The following ABCC11 variants were observed in gnomAD, a reference collection of about 807,000 sequenced individuals.
ABCC11 encodes the protein ATP binding cassette subfamily C member 11.
ABCC11 carries 135 observed loss-of-function variants against 149.3 expected under a neutral mutation model. The observed-to-expected ratio is 0.90, with a 90% confidence interval of 0.79 to 1.04. ABCC11 has a LOEUF of 1.04. Ranked by LOEUF, ABCC11 falls within the 50% of genes least tolerant of loss-of-function variation. The pLI is 0.00. For missense variants in ABCC11, 1,680 were observed against 1,722.1 expected (o/e 0.98, Z 0.43); for synonymous variants, 665 against 671.4 (o/e 0.99, Z 0.15).
intron 10 of ABCC11, among the ~76,000 whole-genome samples, chr16:48,213,108 A>C (rs1201162102): frequency 1.3e-5 from 2 of 152,238 alleles, no homozygotes; most frequent in Admixed American, 1.3e-4. Flanking sequence ...AAAATGTCCA[A>C]GTTTTTCAAT....
intron 28 of ABCC11, 67 bp downstream of exon 28, chr16:48,170,038 C>T (rs966543367): frequency 3.2e-5 from 41 of 1,300,620 alleles, no homozygotes; most frequent in Admixed American, 5.7e-5. Flanking sequence ...GAGAGGGAGC[C>T]GGTGTGGCTT....
chr16:48,173,755 G>T (rs1051184353), intron 26 of ABCC11, among the ~76,000 whole-genome samples: 2 of 152,152 alleles, frequency 1.3e-5, no homozygotes, highest in Admixed American at 6.5e-5. Context: ...CTCCCGAGTA[G>T]CTGGGATTAC....
rs2150859798 is a variant in ABCC11 at position 48,211,041 on chromosome 16, C to T, written c.1515G>A (p.Glu505=). The T allele has an allele frequency of 6.2e-7, 1 of 1,614,210 alleles. No individual in the cohort carries two copies. Among genetic ancestry groups the T allele is most frequent in the Non-Finnish European group, 8.5e-7 (1 of 1,180,030 alleles). ...GGGCATCTCTAGGCCTGGTCATCCC[C>T]TCAGAAGCATGCCCGTTCCTCTCCA... ...LELERNGHAS[E]GMTRPRDALG... is the part of the protein sequence containing the mutation. Residue 505 remains glutamate (E), a synonymous_variant, in exon 11 of 30, where the codon GAG becomes GAA. Transcript: ENST00000356608.
chr16:48,235,887 A>G (rs553913005), intron 1 of ABCC11, among the ~76,000 whole-genome samples: 2 of 152,312 alleles, frequency 1.3e-5, no homozygotes, highest in East Asian at 3.9e-4. Flanking sequence ...CAGACTGTGA[A>G]CAGGAGGGGA....
chr16:48,183,845 G>C (rs182105405), intron 23 of ABCC11, among the ~76,000 whole-genome samples: 79 of 152,260 alleles, frequency 5.2e-4, no homozygotes, highest in Admixed American at 8.5e-4. Context: ...CTTGACTATG[G>C]TCCTCCTGGC....
intron 1 of ABCC11, among the ~76,000 whole-genome samples, chr16:48,238,934 T>TAAAAAAA (rs3048246): frequency 7.4e-5 from 3 of 40,566 alleles, no homozygotes; most frequent in African/African-American, 2.5e-4. Flanking sequence ...AGACTCTGTC[T>TAAAAAAA]AAAAAAAAAA....
intron 12 of ABCC11, among the ~76,000 whole-genome samples, chr16:48,207,449 T>C (rs1968543300): frequency 6.6e-6 from 1 of 152,016 alleles, no homozygotes; most frequent in Admixed American, 6.5e-5. Context: ...GTGGATGACT[T>C]GAGGCCAGGA....
rs545438065 is a variant in ABCC11 at position 48,192,166 on chromosome 16, G to A, written c.2706+354C>T. On this transcript the variant is annotated intron_variant, in intron 20 of 29. Coordinates refer to ENST00000356608, the MANE Select transcript of ABCC11 (RefSeq NM_001370497.1). ...TCTACTAATAAAAAAAAAATAGGCC[G>A]GGGGTGGTGGCTCATGCCTGTAATC... Among the ~76,000 whole-genome samples the A allele has an allele frequency of 4.3e-4, 66 of 152,050 alleles. No homozygotes were observed. In the South Asian group the frequency reaches 5.6e-3, roughly 13 times the overall value.
intron 11 of ABCC11, among the ~76,000 whole-genome samples, chr16:48,208,870 TCATG>T (rs1321312074): frequency 6.6e-6 from 1 of 152,176 alleles, no homozygotes; most frequent in East Asian, 1.9e-4. Flanking sequence ...TCACAGAATT[TCATG>T]CATGCATGCA....
rs372557069 is a variant in ABCC11, at chr16:48,227,951, G to A, written c.250C>T (p.Gln84Ter). The change falls in exon 4 of 30, where the codon CAG becomes TAG. Residue 84 changes from glutamine to a stop codon, truncating the protein, a stop_gained. Coordinates refer to ENST00000356608, the MANE Select transcript of ABCC11 (RefSeq NM_001370497.1). LOFTEE classifies it high-confidence loss of function. Reference sequence around the variant, plus strand: ...AACAGGCCAGCATTGTCCAGGGGCTGGGGGGCAGGAAACCTAGTAGAGGGG... The same window carrying A: ...AACAGGCCAGCATTGTCCAGGGGCTAGGGGGCAGGAAACCTAGTAGAGGGG... The part of the protein sequence containing the change: ...FRPKPRFPAP[Q>*]PLDNAGLFSY... The A allele has an allele frequency of 2.5e-6, 4 of 1,611,674 alleles. No individual in the cohort carries two copies. The highest frequency in any genetic ancestry group is 3.4e-6 in the Non-Finnish European group (4 of 1,178,708).
chr16:48,170,241 AACATAACCT>A, intron 27 of ABCC11, 23 bp from the exon 28 acceptor site: 1 of 1,595,180 alleles, frequency 6.3e-7, no homozygotes, highest in Non-Finnish European at 8.6e-7. Context: ...AAGAAGAGAC[AACATAACCT>A]GGAAGCCACT....
intron 26 of ABCC11, among the ~76,000 whole-genome samples, chr16:48,174,649 T>C (rs546900807): frequency 6.6e-6 from 1 of 150,996 alleles, no homozygotes; most frequent in Non-Finnish European, 1.5e-5. Flanking sequence ...ATGTGTACCA[T>C]TGAAGAAGCA....
In ABCC11 at chr16:48,222,771, C is replaced by G. The variant is rs751745270; in HGVS notation, c.604G>C (p.Gly202Arg). 3 of 1,614,208 alleles carry G rather than the reference C, an allele frequency of 1.9e-6. No individual in the cohort carries two copies. Among genetic ancestry groups the G allele is most frequent in the African/African-American group, 1.3e-5 (1 of 75,052 alleles). Residue 202 changes from glycine (G) to arginine (R), a missense_variant, in exon 6 of 30, where the codon GGA (glycine) becomes CGA (arginine). By Grantham distance (125) the Gly-to-Arg change is moderately radical. Coordinates refer to ENST00000356608, the MANE Select transcript of ABCC11 (RefSeq NM_001370497.1). ...SEEQLGNVVH[G>R]VGLCFALFLS... ...AAAAGGGCAAAGCAGAGTCCCACTC[C>G]ATGGACAACATTCCCCAACTGCTCT...
At chr16:48,225,152 C>T (rs997722401) in intron 4 of ABCC11, among the ~76,000 whole-genome samples, 5 of 150,832 alleles carry the variant, frequency 3.3e-5, no homozygotes, top group African/African-American at 1.2e-4. Context: ...GTGAGTTGAA[C>T]CAGTGAGCCG....
intron 22 of ABCC11, among the ~76,000 whole-genome samples, chr16:48,186,204 C>T (rs1211649662): frequency 6.6e-6 from 1 of 152,140 alleles, no homozygotes; most frequent in East Asian, 1.9e-4. Context: ...CATACCGTCT[C>T]CCAAATGTGT....
intron 18 of ABCC11, among the ~76,000 whole-genome samples, chr16:48,195,390 CA>C (rs920759002): frequency 1.3e-5 from 2 of 152,180 alleles, no homozygotes; most frequent in African/African-American, 4.8e-5. Context: ...TTACTCCTTG[CA>C]GGATACCCAT....
rs1966102243 is a variant in ABCC11, at chr16:48,176,774, A to C, written c.3538+150T>G. ...ATCACAGGGACCTTGGGTTTCGCTC[A>C]CCAGTGTTTGTCTAGCACAGGGCCC... On this transcript the variant is annotated intron_variant, in intron 25 of 29. Transcript: ENST00000356608. 2.9e-5 allele frequency: 27 copies of C among 926,102 alleles called. No homozygotes were observed. The South Asian group carries it at 5.0e-4, about 17-fold the overall frequency. The allele number at this position is 926,102 out of a possible 1,614,324, so 57.4% of individuals were successfully genotyped here.
Position 48,216,101 on chromosome 16 carries a change from A to G in ABCC11, c.951+13T>C, listed in dbSNP as rs1000754182. ...GGGCCCAGCATCAAATGGGTGACAG[A>G]GAAAGACATTACCGCCAGTGGGAAA... On this transcript the variant is annotated intron_variant, in intron 7 of 29. Coordinates refer to ENST00000356608, the MANE Select transcript of ABCC11 (RefSeq NM_001370497.1). 1 of 1,612,652 alleles carries G rather than the reference A, an allele frequency of 6.2e-7. No individual in the cohort carries two copies. The highest frequency in any genetic ancestry group is 1.3e-5 in the African/African-American group (1 of 74,892).
rs1969946017 is a variant in ABCC11 at position 48,224,489 on chromosome 16, A to G, written c.396-60T>C. The G allele has an allele frequency of 4.5e-6, 7 of 1,571,350 alleles. No individual in the cohort carries two copies. The South Asian group carries it at 8.2e-5, about 18-fold the overall frequency. Reference sequence around the variant, plus strand: ...TTTGCATGTGACATCCAAACATCCTAGTTCTTGCTAGCCAGGAGCTTTGTT... The same window carrying G: ...TTTGCATGTGACATCCAAACATCCTGGTTCTTGCTAGCCAGGAGCTTTGTT... On this transcript the variant is annotated intron_variant, in intron 4 of 29. Transcript: ENST00000356608.
Sources: allele counts gnomAD v4.1 joint callset (sites outside exome capture counted in the v4.1 genomes callset), GRCh38; gene constraint gnomAD v4.1.1; transcripts MANE v1.5; gene names NCBI Gene and HGNC (gene_info 2026-07-23, HGNC 2026-07-21).